The following PIK3C2G variants were observed in gnomAD, a reference collection of about 807,000 sequenced individuals.
The protein encoded by PIK3C2G is phosphatidylinositol-4-phosphate 3-kinase catalytic subunit type 2 gamma.
A neutral mutation model predicts 181.1 loss-of-function variants in PIK3C2G; 168 were observed. The ratio of observed to expected loss-of-function variants is 0.93; its 90% CI spans 0.82 to 1.05. The LOEUF (loss-of-function observed/expected upper bound fraction) is 1.05, where lower values mean the gene tolerates loss of function less well. Among genes scored for constraint, PIK3C2G ranks in the 50% least tolerant of loss-of-function variants. The pLI, the probability that PIK3C2G is intolerant of heterozygous loss-of-function variation, is 0.00. For synonymous variants in PIK3C2G, 573 were observed against 592.2 expected, an observed-to-expected ratio of 0.97 and a Z score of 0.47; for missense variants, 1,869 against 1,732.8, an observed-to-expected ratio of 1.08 and a Z score of -1.40.
upstream of PIK3C2G, among the ~76,000 whole-genome samples, chr12:18,246,360 A>G (rs1301981497): frequency 6.6e-6 from 1 of 152,196 alleles, no homozygotes; most frequent in Admixed American, 6.5e-5. Context: ...CATTTCTCAT[A>G]AGAAAACACA....
chr12:18,338,693 G>GTC (rs1938810966), intron 9 of PIK3C2G, 145 bp downstream of exon 9: 3 of 612,272 alleles, frequency 4.9e-6, no homozygotes, highest in Middle Eastern at 4.6e-4. Flanking sequence ...GTGTGTGTGT[G>GTC]TGTGTGTGTG....
the PIK3C2G span, among the ~76,000 whole-genome samples, chr12:18,698,981 G>C: frequency 6.2e-3 from 947 of 152,238 alleles, 8 homozygotes; most frequent in African/African-American, 0.021. Flanking sequence ...TGGCTCTTAA[G>C]TTAGTTGCTC....
intron 15 of PIK3C2G, among the ~76,000 whole-genome samples, chr12:18,394,948 T>C (rs1338967779): frequency 6.6e-6 from 1 of 151,912 alleles, no homozygotes; most frequent in African/African-American, 2.4e-5. Context: ...AGTAAAAGGC[T>C]TAGTAATCCC....
At chr12:18,418,276 A>G (rs1945291590) in intron 16 of PIK3C2G, among the ~76,000 whole-genome samples, 2 of 152,136 alleles carry the variant, frequency 1.3e-5, no homozygotes. Context: ...AGGCACCTTC[A>G]AGGGAATTTG....
intron 24 of PIK3C2G, among the ~76,000 whole-genome samples, chr12:18,508,651 G>A (rs1942006126): frequency 6.6e-6 from 1 of 152,072 alleles, no homozygotes; most frequent in Non-Finnish European, 1.5e-5. Context: ...GCTGGAGGTT[G>A]CAAATTTTTT....
At chr12:18,493,195 A>G (rs1284688463) in intron 20 of PIK3C2G, 1 of 152,252 alleles carries the variant, frequency 6.6e-6, no homozygotes, top group Non-Finnish European at 1.5e-5. Flanking sequence ...TGAATGTGGC[A>G]AGGCCTTCAT....
chr12:18,526,334 A>G (rs1406620562), intron 24 of PIK3C2G, among the ~76,000 whole-genome samples: 1 of 152,150 alleles, frequency 6.6e-6, no homozygotes, highest in African/African-American at 2.4e-5. Context: ...TCTCAGAAAC[A>G]TGGTGGTTTC....
At chr12:18,455,335 A>G (rs1328559560) in intron 18 of PIK3C2G, among the ~76,000 whole-genome samples, 3 of 150,234 alleles carry the variant, frequency 2.0e-5, no homozygotes, top group Non-Finnish European at 4.4e-5. Flanking sequence ...AAGGTATGCC[A>G]GGAGGTTGGG....
chr12:18,629,989 C>T (rs1352125813), intron 31 of PIK3C2G, among the ~76,000 whole-genome samples: 2 of 152,096 alleles, frequency 1.3e-5, no homozygotes, highest in East Asian at 3.9e-4. Flanking sequence ...TATTAATACA[C>T]ACCTCATTGA....
chr12:18,454,781 T>A (rs1947538576), intron 18 of PIK3C2G, among the ~76,000 whole-genome samples: 1 of 152,198 alleles, frequency 6.6e-6, no homozygotes, highest in African/African-American at 2.4e-5. Context: ...TTTAGAAATT[T>A]CTCTTCTTAA....
chr12:18,250,468 G>A (rs1336017103), intron 1 of PIK3C2G, among the ~76,000 whole-genome samples: 1 of 152,078 alleles, frequency 6.6e-6, no homozygotes, highest in Non-Finnish European at 1.5e-5. Context: ...ATCACGAGGA[G>A]CTTCTTGACA....
the PIK3C2G span, among the ~76,000 whole-genome samples, chr12:18,709,834 T>G: frequency 6.6e-6 from 1 of 152,192 alleles, no homozygotes; most frequent in Non-Finnish European, 1.5e-5. Context: ...CTCCAATTTC[T>G]TTCATCCATG....
chr12:18,640,312 C>T (rs1412159978), intron 31 of PIK3C2G, 117 bp from the exon 32 acceptor site: 1 of 786,490 alleles, frequency 1.3e-6, no homozygotes, highest in Admixed American at 3.3e-5. Context: ...ATTTTCACAT[C>T]AACAAAGTGA....
intron 18 of PIK3C2G, among the ~76,000 whole-genome samples, chr12:18,468,830 C>T (rs1480267850): frequency 3.9e-5 from 6 of 151,976 alleles, no homozygotes. Flanking sequence ...ATCCTTATTG[C>T]TGTGAAGAAG....
chr12:18,387,408 CCT>C (rs1035540358), intron 14 of PIK3C2G, among the ~76,000 whole-genome samples: 2 of 152,120 alleles, frequency 1.3e-5, no homozygotes, highest in Non-Finnish European at 2.9e-5. Flanking sequence ...CTTGCCAGTC[CCT>C]GTTTGACACT....
At chr12:18,441,888 G>T (rs1171896960) in intron 18 of PIK3C2G, among the ~76,000 whole-genome samples, 1 of 152,072 alleles carries the variant, frequency 6.6e-6, no homozygotes, top group Non-Finnish European at 1.5e-5. Flanking sequence ...TTAAACTTCT[G>T]ATTTAACTGT....
At chr12:18,621,423 A>T (rs1948856258) in intron 31 of PIK3C2G, among the ~76,000 whole-genome samples, 1 of 152,004 alleles carries the variant, frequency 6.6e-6, no homozygotes, top group South Asian at 2.1e-4. Flanking sequence ...CTGAATTTTT[A>T]GAAGAAATTT....
the PIK3C2G span, among the ~76,000 whole-genome samples, chr12:18,679,625 T>C: frequency 1.1e-4 from 17 of 151,928 alleles, no homozygotes; most frequent in African/African-American, 4.1e-4. Context: ...CAATGTAAGA[T>C]TGCTGAAAGG....
intron 26 of PIK3C2G, among the ~76,000 whole-genome samples, chr12:18,549,496 A>T (rs11044178): frequency 0.16 from 24,432 of 151,962 alleles, 2,172 homozygotes; most frequent in South Asian, 0.24. Context: ...TAATATCTTT[A>T]TCTACATTTT....
Sources: gnomAD v4.1 joint callset for allele counts (sites outside exome capture counted in the v4.1 genomes callset) on GRCh38, gnomAD v4.1.1 for gene constraint, MANE v1.5 for transcripts, NCBI Gene and HGNC (gene_info 2026-07-23, HGNC 2026-07-21) for gene names.